Variants in CADPS observed in about 807,000 individuals in gnomAD.
The protein encoded by CADPS is calcium-dependent secretion activator 1.
In CADPS, 57 loss-of-function variants were observed where a neutral mutation model predicts 167.3. That is an observed-to-expected ratio of 0.34 (90% CI 0.28 to 0.42). The LOEUF (loss-of-function observed/expected upper bound fraction) is 0.42, where lower values mean the gene tolerates loss of function less well. CADPS is among the 20% of genes least tolerant of loss of function. The probability of loss-of-function intolerance (pLI) is 1.00; values close to 1 mark genes in which losing one functional copy is unlikely to be tolerated. For synonymous variants in CADPS, 676 were observed against 635.3 expected, an observed-to-expected ratio of 1.06 and a Z score of -0.96; for missense variants, 1,414 against 1,738.1, an observed-to-expected ratio of 0.81 and a Z score of 3.32.
At chr3:62,802,695 C>T (rs2093844330) in intron 1 of CADPS, among the ~76,000 whole-genome samples, 2 of 152,140 alleles carry the variant, frequency 1.3e-5, no homozygotes, top group South Asian at 2.1e-4. Flanking sequence ...AATAAACAAA[C>T]ACTGATAGAT....
At chr3:62,614,232 C>A (rs933267259) in intron 6 of CADPS, among the ~76,000 whole-genome samples, 4 of 151,926 alleles carry the variant, frequency 2.6e-5, no homozygotes, top group Non-Finnish European at 5.9e-5. Context: ...AGCTGTTAGC[C>A]CTGTTTTACA....
At position 62,398,712 on chromosome 3, in the gene CADPS, G is replaced by T. The variant is rs1337891408; in HGVS notation, c.*694C>A. The T allele has an allele frequency of 6.6e-6, 1 of 152,290 alleles. No homozygotes were observed. The highest frequency in any genetic ancestry group is 1.5e-5 in the Non-Finnish European group (1 of 68,022). The allele number at this position is 152,290 out of a possible 1,614,324, so 9.4% of individuals were successfully genotyped here. ...GAGGAGAAAACTTTGACAGAAGACA[G>T]TAGTTTTGAACTGCGCGCTTGATGT... On this transcript the variant is annotated 3_prime_UTR_variant, in exon 30 of 30. Coordinates refer to ENST00000383710, the MANE Select transcript of CADPS (RefSeq NM_003716.4).
At chr3:62,443,425 C>A (rs1270495200) in intron 27 of CADPS, among the ~76,000 whole-genome samples, 1 of 152,176 alleles carries the variant, frequency 6.6e-6, no homozygotes, top group African/African-American at 2.4e-5. Flanking sequence ...AGTGTGAAAA[C>A]TCTACTAATT....
intron 7 of CADPS, among the ~76,000 whole-genome samples, chr3:62,590,172 G>A (rs1258143901): frequency 7.1e-6 from 1 of 141,822 alleles, no homozygotes; most frequent in African/African-American, 2.6e-5. Flanking sequence ...TTGGGCAACA[G>A]AGAGAGACTC....
In CADPS at chr3:62,506,482, C is replaced by G. The variant is rs1040405801; in HGVS notation, c.2599+6269G>C. On this transcript the variant is annotated intron_variant, in intron 17 of 29. Transcript: ENST00000383710. ...AAATTAAAGAAAGAAATATAACACT[C>G]TTGTAATGGTTTTTCTTCTCTAATT... 7.2e-5 allele frequency among the ~76,000 whole-genome samples: 11 copies of G among 152,290 alleles called. No individual in the cohort carries two copies. In the East Asian group the frequency reaches 1.7e-3, roughly 24 times the overall value.
intron 24 of CADPS, among the ~76,000 whole-genome samples, chr3:62,468,677 G>A (rs994420389): frequency 2.0e-5 from 3 of 152,018 alleles, no homozygotes; most frequent in South Asian, 2.1e-4. Flanking sequence ...GCCAAACTTC[G>A]CCTTAATTTT....
At chr3:62,584,955 G>T (rs569382645) in intron 8 of CADPS, among the ~76,000 whole-genome samples, 3 of 152,144 alleles carry the variant, frequency 2.0e-5, no homozygotes, top group Non-Finnish European at 4.4e-5. Context: ...CCTAGAAACC[G>T]TATTAGAGAA....
At chr3:62,415,802 ATTG>A (rs1274228438) in intron 28 of CADPS, among the ~76,000 whole-genome samples, 2 of 152,120 alleles carry the variant, frequency 1.3e-5, no homozygotes, top group African/African-American at 4.8e-5. Flanking sequence ...CGGAGTGATT[ATTG>A]TTGGGGTAGC....
chr3:62,559,722 G>A (rs1451980014), intron 9 of CADPS, among the ~76,000 whole-genome samples: 1 of 152,036 alleles, frequency 6.6e-6, no homozygotes, highest in Non-Finnish European at 1.5e-5. Flanking sequence ...TTGAACTCCC[G>A]ACTTCAGGTG....
Position 62,445,748 on chromosome 3 carries a change from A to G in CADPS, c.3669+17T>C. ...AAAACAAAAAAACCCCATGAGAAAC[A>G]ATTTTCAAATACTCACAGGTACATC... On this transcript the variant is annotated intron_variant, in intron 27 of 29. Coordinates refer to ENST00000383710, the MANE Select transcript of CADPS (RefSeq NM_003716.4). 1 of 1,526,272 alleles carries G rather than the reference A, an allele frequency of 6.6e-7. No homozygotes were observed. The highest frequency in any genetic ancestry group is 8.8e-7 in the Non-Finnish European group (1 of 1,141,448). 94.5% of individuals were successfully genotyped at this position (1,526,272 alleles called of 1,614,324 possible).
chr3:62,682,158 C>T (rs1359467803), intron 3 of CADPS, among the ~76,000 whole-genome samples: 4 of 152,190 alleles, frequency 2.6e-5, no homozygotes, highest in East Asian at 1.9e-4. Context: ...TGGAATCCTA[C>T]TTCACAGTTC....
chr3:62,583,122 T>C (rs1463682042), intron 8 of CADPS, among the ~76,000 whole-genome samples: 1 of 151,356 alleles, frequency 6.6e-6, no homozygotes, highest in African/African-American at 2.4e-5. Context: ...TTCTGTTCTT[T>C]ATTTTCTCTC....
intron 8 of CADPS, among the ~76,000 whole-genome samples, chr3:62,583,221 T>G (rs1271406880): frequency 6.6e-6 from 1 of 151,616 alleles, no homozygotes. Context: ...CATGTGCTGG[T>G]TCCTTTAGCA....
rs369968966 is a variant in CADPS at position 62,398,896 on chromosome 3, G to T, written c.*510C>A. 3 of 152,110 alleles carry T rather than the reference G, an allele frequency of 2.0e-5. No homozygotes were observed. The highest frequency in any genetic ancestry group is 7.2e-5 in the African/African-American group (3 of 41,400). The allele number at this position is 152,110 out of a possible 1,614,324, so 9.4% of individuals were successfully genotyped here. A position where few individuals can be genotyped will look rare whatever the true frequency, so the allele number is the denominator to read the frequency against. On this transcript the variant is annotated 3_prime_UTR_variant, in exon 30 of 30. Transcript: ENST00000383710. ...TTTTTTGGTTTTAGGGGAACAGAAA[G>T]CATCAAAAGTTAATTGTTGGAGACT...
intron 1 of CADPS, among the ~76,000 whole-genome samples, chr3:62,794,523 A>G (rs2093227185): frequency 6.6e-6 from 1 of 152,196 alleles, no homozygotes; most frequent in Non-Finnish European, 1.5e-5. Context: ...GCCAGACTCC[A>G]GAGCCCACAT....
Position 62,458,043 on chromosome 3 carries a change from C to G in CADPS, c.3636+7324G>C, listed in dbSNP as rs1352067351. Among the ~76,000 whole-genome samples, 4 of 152,038 alleles carry G rather than the reference C, an allele frequency of 2.6e-5. No homozygotes were observed. The highest frequency in any genetic ancestry group is 9.7e-5 in the African/African-American group (4 of 41,394). ...CATGTATACCTATGTAACAAACCCG[C>G]ACATTCTGCACATGTATCCCAGAAC... On this transcript the variant is annotated intron_variant, in intron 26 of 29. Transcript: ENST00000383710. This position sits in a 1 kb window ranked among gnomAD's most constrained non-coding sequence, Gnocchi z 4.6.
chr3:62,681,679 A>G lies in CADPS; in HGVS notation c.889-19285T>C, dbSNP rs765774994. On this transcript the variant is annotated intron_variant, in intron 3 of 29. Coordinates refer to ENST00000383710, the MANE Select transcript of CADPS (RefSeq NM_003716.4). Reference sequence around the variant, plus strand: ...GATTTTTGTTGTTTGACACGTCTACATGAACAAAAACCTACACTGGATTCC... The same window carrying G: ...GATTTTTGTTGTTTGACACGTCTACGTGAACAAAAACCTACACTGGATTCC... Among the ~76,000 whole-genome samples, 42 of 152,194 alleles carry G rather than the reference A, an allele frequency of 2.8e-4. No homozygotes were observed. The Middle Eastern group carries it at 0.014, about 49-fold the overall frequency.
At chr3:62,505,034 C>T (rs538945590) in intron 17 of CADPS, among the ~76,000 whole-genome samples, 1 of 152,194 alleles carries the variant, frequency 6.6e-6, no homozygotes, top group South Asian at 2.1e-4. Flanking sequence ...TATGCAATTA[C>T]AGAAAATAAC....
chr3:62,697,912 T>A (rs1488622199), intron 3 of CADPS, among the ~76,000 whole-genome samples: 1 of 152,144 alleles, frequency 6.6e-6, no homozygotes, highest in African/African-American at 2.4e-5. Flanking sequence ...TTTTGAGAAA[T>A]GTCTATTCAT....
Sources: allele counts gnomAD v4.1 joint callset (sites outside exome capture counted in the v4.1 genomes callset), GRCh38; gene constraint gnomAD v4.1.1; non-coding constraint Gnocchi (gnomAD v3.1); transcripts MANE v1.5; gene names NCBI Gene and HGNC (gene_info 2026-07-23, HGNC 2026-07-21).